Variants in TTC21B observed in about 807,000 individuals in gnomAD.
TTC21B encodes the protein tetratricopeptide repeat domain 21B.
In TTC21B, 127 loss-of-function variants were observed where a neutral mutation model predicts 175.1. The observed-to-expected ratio is 0.73, with a 90% CI of 0.63 to 0.84. TTC21B has a LOEUF of 0.84. Ranked by LOEUF, TTC21B falls within the 40% of genes least tolerant of loss-of-function variation. TTC21B has a pLI of 0.00. For synonymous variants in TTC21B, 524 were observed against 524.5 expected, an observed-to-expected ratio of 1.00 and a Z score of 0.01; for missense variants, 1,561 against 1,558.3, an observed-to-expected ratio of 1.00 and a Z score of -0.03.
chr2:165,880,208 G>C (rs945696313), intron 27 of TTC21B, among the ~76,000 whole-genome samples: 2 of 151,972 alleles, frequency 1.3e-5, no homozygotes, highest in Non-Finnish European at 2.9e-5. Flanking sequence ...GATGTTTCTA[G>C]ATGCTCAGGA....
At chr2:165,886,049 CT>C (rs1166432142) in intron 25 of TTC21B, among the ~76,000 whole-genome samples, 1 of 152,298 alleles carries the variant, frequency 6.6e-6, no homozygotes, top group African/African-American at 2.4e-5. Context: ...TCACATACCT[CT>C]TTTTTGGTCC....
At chr2:165,910,263 C>T (rs941476326) in intron 18 of TTC21B, among the ~76,000 whole-genome samples, 12 of 152,014 alleles carry the variant, frequency 7.9e-5, no homozygotes, top group African/African-American at 2.4e-4. Context: ...ATTAGCCGGG[C>T]GTGGTGGCAG....
intron 19 of TTC21B, among the ~76,000 whole-genome samples, chr2:165,902,574 T>C (rs1419782173): frequency 6.6e-6 from 1 of 152,076 alleles, no homozygotes; most frequent in Non-Finnish European, 1.5e-5. Flanking sequence ...CTTTTGCAAA[T>C]GAAAGAAAAA....
At chr2:165,899,994 C>T (rs1685498872) in intron 20 of TTC21B, 114 bp from the exon 21 acceptor site, 1 of 372,602 alleles carries the variant, frequency 2.7e-6, no homozygotes, top group Admixed American at 3.1e-5. Flanking sequence ...CAATAAAATG[C>T]CAAGTATAAT....
chr2:165,941,956 A>C (rs924801875), intron 5 of TTC21B, among the ~76,000 whole-genome samples: 1 of 152,192 alleles, frequency 6.6e-6, no homozygotes, highest in Non-Finnish European at 1.5e-5. Context: ...AAGTTTTACT[A>C]TGTTCATGTA....
rs1224065312 is a variant in TTC21B at position 165,924,399 on chromosome 2, C to T, written c.1516+150G>A. The stretch of plus-strand genomic sequence containing the variant: ...GGATTAAAGAGTAAGTTATGCAATT[C>T]TATTTTGGATTAAAATTACTTATCT... On this transcript the variant is annotated intron_variant, in intron 12 of 28. Coordinates refer to ENST00000243344, the MANE Select transcript of TTC21B (RefSeq NM_024753.5). The T allele has an allele frequency of 1.0e-5, 7 of 684,022 alleles. No individual in the cohort carries two copies. In the Admixed American group the frequency reaches 1.2e-4, roughly 12 times the overall value. 42.4% of individuals were successfully genotyped at this position (684,022 alleles called of 1,614,324 possible). A position where few individuals can be genotyped will look rare whatever the true frequency, so the allele number is the denominator to read the frequency against.
intron 22 of TTC21B, among the ~76,000 whole-genome samples, chr2:165,895,061 T>C (rs1200071855): frequency 6.6e-6 from 1 of 152,008 alleles, no homozygotes; most frequent in East Asian, 1.9e-4. Context: ...TTAATGTAGG[T>C]GGTGGTAGTG....
chr2:165,876,044 T>C lies in TTC21B; in HGVS notation c.3873+121A>G. The stretch of plus-strand genomic sequence containing the variant: ...ACACTGATAATCTCCCTAAACATAC[T>C]GATAAATCATTTAACTAAAATAATG... On this transcript the variant is annotated intron_variant, in intron 28 of 28. Transcript: ENST00000243344. The C allele has an allele frequency of 5.8e-6, 4 of 685,852 alleles. No homozygotes were observed. In the Admixed American group the frequency reaches 8.9e-5, roughly 15 times the overall value. 42.5% of individuals were successfully genotyped at this position (685,852 alleles called of 1,614,324 possible). A position where few individuals can be genotyped will look rare whatever the true frequency, so the allele number is the denominator to read the frequency against.
At chr2:165,900,915 T>G (rs1182753723) in intron 20 of TTC21B, among the ~76,000 whole-genome samples, 1 of 151,500 alleles carries the variant, frequency 6.6e-6, no homozygotes, top group Non-Finnish European at 1.5e-5. Context: ...TTTTTTTTTT[T>G]TTTTGAGACA....
chr2:165,900,753 T>TTTA (rs150646811), intron 20 of TTC21B, among the ~76,000 whole-genome samples: 1,944 of 152,140 alleles, frequency 0.013, 42 homozygotes, highest in African/African-American at 0.044. Context: ...TTAAAATTAA[T>TTTA]TTTTGATAAA....
chr2:165,924,000 G>A (rs139797656), intron 12 of TTC21B, among the ~76,000 whole-genome samples: 456 of 152,092 alleles, frequency 3.0e-3, no homozygotes, highest in Non-Finnish European at 4.9e-3. Flanking sequence ...TAATCTGCTC[G>A]CTTTGGCCTC....
Position 165,945,651 on chromosome 2 carries a change from T to G in TTC21B, c.302A>C (p.Glu101Ala). 1 of 1,613,678 alleles carries G rather than the reference T, an allele frequency of 6.2e-7. No homozygotes were observed. Among genetic ancestry groups the G allele is most frequent in the Non-Finnish European group, 8.5e-7 (1 of 1,179,930 alleles). The change falls in exon 4 of 29, where the codon GAA becomes GCA. Residue 101 changes from glutamate (E) to alanine (A), a missense_variant. By Grantham distance (107) the Glu-to-Ala change is moderately radical (BLOSUM62 -1). Coordinates refer to ENST00000243344, the MANE Select transcript of TTC21B (RefSeq NM_024753.5). ...AILESDARVKEQRKGAGEKAL... is the reference protein window; with the variant it reads ...AILESDARVKAQRKGAGEKAL... ...TTTCTCTCCAGCTCCTTTACGTTGT[T>G]CCTTCACTCTGGCATCTGATTCCAG...
At position 165,934,954 on chromosome 2, in the gene TTC21B, C is replaced by T. The variant is rs186352728; in HGVS notation, c.711-1897G>A. 2.0e-3 allele frequency among the ~76,000 whole-genome samples: 312 copies of T among 152,262 alleles called. 2 individuals are homozygous for T. Among genetic ancestry groups the T allele is most frequent in the African/African-American group, 6.7e-3 (279 of 41,538 alleles). ...TCTCCTTATTTGCTTGGGCATGTGG[C>T]TAGCCAACACTTCCTAGATATCTTT... On this transcript the variant is annotated intron_variant, in intron 6 of 28. Coordinates refer to ENST00000243344, the MANE Select transcript of TTC21B (RefSeq NM_024753.5).
chr2:165,930,258 A>C lies in TTC21B; in HGVS notation c.1001T>G (p.Met334Arg). Reference protein sequence around the residue: ...SEFATELGYQMILQGRVKEAL... With the variant: ...SEFATELGYQRILQGRVKEAL... ...CTCTTTAACTCTTCCTTGTAAAATC[A>C]TTTGGTATCCAAGTTCTGTAGCAAA... The change falls in exon 9 of 29, where the codon ATG (methionine) becomes AGG (arginine). Residue 334 changes from methionine to arginine, a missense_variant. Coordinates refer to ENST00000243344, the MANE Select transcript of TTC21B (RefSeq NM_024753.5). 3 of 1,613,324 alleles carry C rather than the reference A, an allele frequency of 1.9e-6. No homozygotes were observed. Among genetic ancestry groups the C allele is most frequent in the Non-Finnish European group, 2.5e-6 (3 of 1,179,484 alleles).
chr2:165,929,557 C>T (rs565282159), intron 10 of TTC21B, 93 bp downstream of exon 10: 43 of 985,556 alleles, frequency 4.4e-5, no homozygotes, highest in Middle Eastern at 2.6e-4. Flanking sequence ...TACACTAGTG[C>T]TTTACAGCCA....
rs572065013 is a variant in TTC21B at position 165,953,722 on chromosome 2, G to A, written c.-17C>T. 4,910 of 1,548,134 alleles carry A rather than the reference G, an allele frequency of 3.2e-3. 16 individuals carry two copies. Among genetic ancestry groups the A allele is most frequent in the Non-Finnish European group, 3.8e-3 (4,410 of 1,146,438 alleles). The stretch of plus-strand genomic sequence containing the variant: ...CGAGTCCATGGCTGCCCCGAGGCCG[G>A]GCCGCGGGGCTCTGGGGATTGTCTC... On this transcript the variant is annotated 5_prime_UTR_variant, in exon 1 of 29. Coordinates refer to ENST00000243344, the MANE Select transcript of TTC21B (RefSeq NM_024753.5).
chr2:165,953,075 T>A (rs754258496), intron 1 of TTC21B, among the ~76,000 whole-genome samples: 2 of 152,162 alleles, frequency 1.3e-5, no homozygotes, highest in Admixed American at 6.5e-5. Flanking sequence ...GCTGAACGAG[T>A]GATTCAGTGA....
chr2:165,915,924 T>C (rs1407312736), intron 14 of TTC21B, among the ~76,000 whole-genome samples: 1 of 152,254 alleles, frequency 6.6e-6, no homozygotes, highest in Non-Finnish European at 1.5e-5. Flanking sequence ...TGTTAAAATG[T>C]AATTTAAGTG....
chr2:165,880,808 A>G lies in TTC21B; in HGVS notation c.3685-9T>C, dbSNP rs777313475. The G allele has an allele frequency of 1.2e-6, 2 of 1,611,388 alleles. No homozygotes were observed. Among genetic ancestry groups the G allele is most frequent in the Non-Finnish European group, 1.7e-6 (2 of 1,179,106 alleles). On this transcript the variant is annotated splice_polypyrimidine_tract_variant and intron_variant, in intron 26 of 28. Coordinates refer to ENST00000243344, the MANE Select transcript of TTC21B (RefSeq NM_024753.5). Reference sequence around the variant, plus strand: ...TAAGCTTTGCAGCAAGACTGAAGAAAAATGGGAGACATCAATAGATTAAAC... The same window carrying G: ...TAAGCTTTGCAGCAAGACTGAAGAAGAATGGGAGACATCAATAGATTAAAC...
Sources: gnomAD v4.1 joint callset for allele counts (sites outside exome capture counted in the v4.1 genomes callset) on GRCh38, gnomAD v4.1.1 for gene constraint, MANE v1.5 for transcripts, NCBI Gene and HGNC (gene_info 2026-07-23, HGNC 2026-07-21) for gene names.